OS9: variants seen among roughly 807,000 people sequenced by gnomAD.
The protein encoded by OS9 is OS9 endoplasmic reticulum lectin.
Under a neutral mutation model 84.7 loss-of-function variants are expected in OS9, and 58 were observed. The ratio of observed to expected loss-of-function variants is 0.68; its 90% CI spans 0.55 to 0.85. The LOEUF (loss-of-function observed/expected upper bound fraction) is 0.85, where lower values mean the gene tolerates loss of function less well. Among genes scored for constraint, OS9 ranks in the 40% least tolerant of loss-of-function variants. OS9 has a pLI of 0.00. For missense variants in OS9, 760 were observed against 850.9 expected, an observed-to-expected ratio of 0.89 and a Z score of 1.33; for synonymous variants, 278 against 320.8, an observed-to-expected ratio of 0.87 and a Z score of 1.43.
At chr12:57,717,541 C>T (rs1208196200) in intron 9 of OS9, among the ~76,000 whole-genome samples, 5 of 152,084 alleles carry the variant, frequency 3.3e-5, no homozygotes, top group Admixed American at 2.6e-4. Flanking sequence ...GCCTGTAATC[C>T]CAGCACTTTG....
Position 57,718,236 on chromosome 12 carries a change from C to T in OS9, c.1225C>T (p.Arg409Trp), listed in dbSNP as rs200357114. Residue 409 changes from arginine to tryptophan, a missense_variant, in exon 11 of 15, where the codon CGG (arginine) becomes TGG (tryptophan). Physicochemically the swap from Arg to Trp is moderately radical, Grantham distance 101 (BLOSUM62 -3). Transcript: ENST00000315970. ...AGAGAAGGAAAGGGGTGATCCAGAA[C>T]GGCAGAGAGAGATGGAAGAAGAGGA... Reference protein sequence around the residue: ...EPEKERGDPERQREMEEEEDE... With the variant: ...EPEKERGDPEWQREMEEEEDE... 382 of 1,613,872 alleles carry T rather than the reference C, an allele frequency of 2.4e-4. No homozygotes were observed. The highest frequency in any genetic ancestry group is 2.9e-4 in the Non-Finnish European group (340 of 1,180,030).
At chr12:57,720,574 G>A (rs933760938) in intron 14 of OS9, 56 bp downstream of exon 14, 6 of 1,393,422 alleles carry the variant, frequency 4.3e-6, no homozygotes, top group African/African-American at 1.4e-5. Flanking sequence ...GTGGAGGTGC[G>A]GGCTTGCCCC....
At chr12:57,719,310 A>G (rs565790676) in intron 12 of OS9, 128 bp downstream of exon 12, 9 of 722,992 alleles carry the variant, frequency 1.2e-5, no homozygotes, top group African/African-American at 1.1e-4. Context: ...TTTCTGGAAC[A>G]CTGTCCTCAC....
rs899610003 is a variant in OS9, at chr12:57,720,259, T to C, written c.1761T>C (p.Ala587=). The stretch of plus-strand genomic sequence containing the variant: ...TGCTGGAGAGGGAGGGACTCACAGC[T>C]GCAGGTGGGCCCTGGAGGGCGGCTG... ...KELLEREGLT[A]AGKIEIKIVR... The change falls in exon 13 of 15, where the codon GCT becomes GCC. Residue 587 remains alanine, a synonymous_variant. Coordinates refer to ENST00000315970, the MANE Select transcript of OS9 (RefSeq NM_006812.4). The C allele has an allele frequency of 5.6e-6, 9 of 1,613,726 alleles. No individual in the cohort carries two copies. Among genetic ancestry groups the C allele is most frequent in the Middle Eastern group, 3.3e-4 (2 of 6,084 alleles).
At chr12:57,703,510 T>C (rs1403699536) in intron 5 of OS9, among the ~76,000 whole-genome samples, 2 of 152,256 alleles carry the variant, frequency 1.3e-5, no homozygotes, top group African/African-American at 2.4e-5. Context: ...GAAAAGACTG[T>C]CCTTTCCCCA....
In OS9 at chr12:57,717,923, C is replaced by T. The variant is rs988181537; in HGVS notation, c.1099C>T (p.Arg367Ter). ...KVIRSPADLI[R>*]FIEELKGGTK... ...CATTCGAAGCCCTGCGGATTTGATTCGATTCATAGAGGAGCTGAAAGGTGG... is the reference window on the plus strand; with the variant it reads ...CATTCGAAGCCCTGCGGATTTGATTTGATTCATAGAGGAGCTGAAAGGTGG... Residue 367 changes from arginine (R) to a stop codon, truncating the protein, a stop_gained, in exon 10 of 15, where the codon CGA (arginine) becomes TGA (stop). Coordinates refer to ENST00000315970, the MANE Select transcript of OS9 (RefSeq NM_006812.4). LOFTEE classifies it high-confidence loss of function. 51 of 1,611,884 alleles carry T rather than the reference C, an allele frequency of 3.2e-5. No homozygotes were observed. Among genetic ancestry groups the T allele is most frequent in the Non-Finnish European group, 4.0e-5 (47 of 1,179,354 alleles).
In OS9 at chr12:57,707,147, T is replaced by C. The variant is rs148352543; in HGVS notation, c.580-8613T>C. 8.2e-4 allele frequency among the ~76,000 whole-genome samples: 125 copies of C among 152,328 alleles called. 3 individuals are homozygous for C. Among genetic ancestry groups the C allele is most frequent in the African/African-American group, 2.9e-3 (119 of 41,572 alleles). On this transcript the variant is annotated intron_variant, in intron 5 of 14. Transcript: ENST00000315970. Reference sequence around the variant, plus strand: ...CATTCCTAATATTGACTTTGCCTTTTCTCTTTTTTCTTGATCTATGTTGCC... The same window carrying C: ...CATTCCTAATATTGACTTTGCCTTTCCTCTTTTTTCTTGATCTATGTTGCC...
rs772447189 is a variant in OS9, at chr12:57,720,850, C to A, written c.1945C>A (p.Arg649=). 4 of 1,613,878 alleles carry A rather than the reference C, an allele frequency of 2.5e-6. No homozygotes were observed. Among genetic ancestry groups the A allele is most frequent in the African/African-American group, 2.7e-5 (2 of 74,934 alleles). The change falls in exon 15 of 15, where the codon CGG becomes AGG. Residue 649 remains arginine (R), a synonymous_variant. Transcript: ENST00000315970. ...GAAAGAGCTGGAGAGCAATTACCGCCGGGTGTGGGGCTCTCCAGGTGGGGA... is the reference window on the plus strand; with the variant it reads ...GAAAGAGCTGGAGAGCAATTACCGCAGGGTGTGGGGCTCTCCAGGTGGGGA... ...RQKELESNYR[R]VWGSPGGEGT...
At position 57,720,197 on chromosome 12, in the gene OS9, C is replaced by G. The variant is rs200597761; in HGVS notation, c.1699C>G (p.Pro567Ala). Reference protein sequence around the residue: ...LTVLEMKRENPQLKQIEGLVK... With the variant: ...LTVLEMKRENAQLKQIEGLVK... ...TGTCCTCGAGATGAAACGGGAAAAC[C>G]CACAGCTGAAACAAATCGAGGGGCT... The change falls in exon 13 of 15, where the codon CCA becomes GCA. Residue 567 changes from proline to alanine, a missense_variant. Coordinates refer to ENST00000315970, the MANE Select transcript of OS9 (RefSeq NM_006812.4). 3.0e-5 allele frequency: 49 copies of G among 1,614,092 alleles called. 1 individual carries two copies. In the South Asian group the frequency reaches 4.6e-4, roughly 15 times the overall value.
chr12:57,701,052 C>T (rs1282206854), intron 5 of OS9, among the ~76,000 whole-genome samples: 2 of 134,190 alleles, frequency 1.5e-5, no homozygotes, highest in Non-Finnish European at 3.1e-5. Context: ...ATAGCTAAAG[C>T]CCACCTTCAT....
chr12:57,716,473 A>G lies in OS9; in HGVS notation c.954A>G (p.Pro318=). The G allele has an allele frequency of 6.4e-7, 1 of 1,574,638 alleles. No homozygotes were observed. The highest frequency in any genetic ancestry group is 2.3e-5 in the East Asian group (1 of 43,296). The change falls in exon 8 of 15, where the codon CCA becomes CCG. Residue 318 remains proline, a synonymous_variant. Transcript: ENST00000315970. ...ATTTCTGGAAGATGCTTAATGAGCC[A>G]GAGGACCAGGCCCCAGGAGGGGAGG... ...DSDFWKMLNE[P]EDQAPGGEEV...
chr12:57,694,918 T>C lies in OS9; in HGVS notation c.331T>C (p.Leu111=). 1.2e-6 allele frequency: 2 copies of C among 1,614,038 alleles called. No individual in the cohort carries two copies. Among genetic ancestry groups the C allele is most frequent in the Non-Finnish European group, 1.7e-6 (2 of 1,179,922 alleles). The part of the protein sequence containing the change: ...LLSPMRDAPC[L]LKTKDWWTYE... The stretch of plus-strand genomic sequence containing the variant: ...GAGCCCAATGAGAGATGCTCCCTGC[T>C]TGCTGAAGGTGAAAGGGACTGGGTT... Residue 111 remains leucine (L), a synonymous_variant, in exon 2 of 15, where the codon TTG becomes CTG. Transcript: ENST00000315970.
At position 57,721,336 on chromosome 12, in the gene OS9, T is replaced by G. The variant is rs1954674916; in HGVS notation, c.*427T>G. On this transcript the variant is annotated 3_prime_UTR_variant, in exon 15 of 15. Coordinates refer to ENST00000315970, the MANE Select transcript of OS9 (RefSeq NM_006812.4). ...GCCCTTAGTGATGTTTGGAGTCGTTTTACCCTCTTCTATTGAATTGCCTTG... is the reference window on the plus strand; with the variant it reads ...GCCCTTAGTGATGTTTGGAGTCGTTGTACCCTCTTCTATTGAATTGCCTTG... The G allele has an allele frequency of 5.6e-6, 1 of 178,490 alleles. No individual in the cohort carries two copies. The highest frequency in any genetic ancestry group is 5.4e-5 in the Admixed American group (1 of 18,354). The allele number at this position is 178,490 out of a possible 1,614,324, so 11.1% of individuals were successfully genotyped here.
At chr12:57,699,715 T>G (rs531294558) in intron 5 of OS9, among the ~76,000 whole-genome samples, 1 of 152,234 alleles carries the variant, frequency 6.6e-6, no homozygotes, top group Non-Finnish European at 1.5e-5. Context: ...GTCCTTTGGT[T>G]GGACTTAATG....
At chr12:57,704,013 A>G (rs919875901) in intron 5 of OS9, among the ~76,000 whole-genome samples, 2 of 152,124 alleles carry the variant, frequency 1.3e-5, no homozygotes, top group Non-Finnish European at 2.9e-5. Flanking sequence ...GTTTTTTTAC[A>G]TGAAAAGGTT....
At chr12:57,708,151 A>G (rs1013251980) in intron 5 of OS9, among the ~76,000 whole-genome samples, 1 of 152,174 alleles carries the variant, frequency 6.6e-6, no homozygotes, top group Non-Finnish European at 1.5e-5. Context: ...TCACATTCAC[A>G]TAACTCAACT....
intron 1 of OS9, 35 bp from the exon 2 acceptor site, chr12:57,694,715 G>T: frequency 6.2e-7 from 1 of 1,608,442 alleles, no homozygotes; most frequent in Non-Finnish European, 8.5e-7. Flanking sequence ...GCCTTTCTTT[G>T]CTTCCTTGCC....
chr12:57,696,449 AGTCGG>A (rs72303843), intron 5 of OS9, 76 bp downstream of exon 5: 163,238 of 242,052 alleles, frequency 0.67, 54,376 homozygotes, highest in Non-Finnish European at 0.74. Context: ...TGCATCTTAT[AGTCGG>A]GGCGGGGGCG....
intron 11 of OS9, 73 bp from the exon 12 acceptor site, chr12:57,718,920 C>CTA: frequency 9.1e-7 from 1 of 1,092,968 alleles, no homozygotes. Context: ...TCAGACTCTC[C>CTA]TACAGAGCCC....
Sources: gnomAD v4.1 joint callset for allele counts (sites outside exome capture counted in the v4.1 genomes callset) on GRCh38, gnomAD v4.1.1 for gene constraint, MANE v1.5 for transcripts, NCBI Gene and HGNC (gene_info 2026-07-23, HGNC 2026-07-21) for gene names.